AGAP6: variants seen among roughly 807,000 people sequenced by gnomAD.
AGAP6 encodes ArfGAP with GTPase domain, ankyrin repeat and PH domain 6.
In AGAP6, 29 loss-of-function variants were observed where a neutral mutation model predicts 63.9. The observed-to-expected ratio is 0.45, with a 90% CI of 0.34 to 0.62. The LOEUF (loss-of-function observed/expected upper bound fraction) is 0.62, where lower values mean the gene tolerates loss of function less well. AGAP6 is among the 20% of genes least tolerant of loss of function. The pLI, the probability that AGAP6 is intolerant of heterozygous loss-of-function variation, is 0.01. For missense variants in AGAP6, 493 were observed against 884.9 expected (o/e 0.56, Z 5.62); for synonymous variants, 199 against 332.9 (o/e 0.60, Z 4.38).
chr10:49,990,121 T>C (rs1841210726), intron 2 of AGAP6, among the ~76,000 whole-genome samples: 1 of 152,144 alleles, frequency 6.6e-6, no homozygotes, highest in Non-Finnish European at 1.5e-5. Context: ...CTCCTGACAA[T>C]AGCATCTTGT....
chr10:50,009,462 TGCAGTCATGCGAGA>T lies in AGAP6; in HGVS notation c.1343_1356del (p.Ser448Ter), dbSNP rs574318431. Reference sequence around the variant, plus strand: ...ATCCAGAGCCAGATCCTGGCCAGCCTGCAGTCATGCGAGAGCAGTAAAAGCAAGTCCCAGCTGAC... The same window carrying T: ...ATCCAGAGCCAGATCCTGGCCAGCCTGCAGTAAAAGCAAGTCCCAGCTGAC... On this transcript the variant is annotated frameshift_variant, in exon 8 of 8. Transcript: ENST00000412531. LOFTEE classifies it high-confidence loss of function. The T allele has an allele frequency of 3.1e-4, 506 of 1,613,410 alleles. No individual in the cohort carries two copies. In the East Asian group the frequency reaches 0.01, roughly 33 times the overall value.
At chr10:50,004,134 G>T (rs368629686) in intron 5 of AGAP6, among the ~76,000 whole-genome samples, 1 of 150,648 alleles carries the variant, frequency 6.6e-6, no homozygotes, top group Admixed American at 6.6e-5. Flanking sequence ...GTGGTGAGCC[G>T]AGATCACACC....
At position 50,008,973 on chromosome 10, in the gene AGAP6, C is replaced by G. The variant is rs1842014474; in HGVS notation, c.848C>G (p.Pro283Arg). 1 of 1,613,822 alleles carries G rather than the reference C, an allele frequency of 6.2e-7. No individual in the cohort carries two copies. Among genetic ancestry groups the G allele is most frequent in the Non-Finnish European group, 8.5e-7 (1 of 1,179,894 alleles). Residue 283 changes from proline (P) to arginine (R), a missense_variant, in exon 8 of 8, where the codon CCC becomes CGC. Physicochemically the swap from Pro to Arg is moderately radical, Grantham distance 103 (BLOSUM62 -2). Transcript: ENST00000412531. ...ACCATCGGGAGCGGTAGAGCCATCC[C>G]CATTAAACAGGGCATGCTCTTAAAG... ...ADTIGSGRAI[P>R]IKQGMLLKRS...
Position 49,988,752 on chromosome 10 carries a change from G to T in AGAP6, c.37G>T (p.Val13Phe), listed in dbSNP as rs782327008. The change falls in exon 1 of 8, where the codon GTC becomes TTC. Residue 13 changes from valine to phenylalanine, a missense_variant. Val to Phe is a conservative substitution (Grantham distance 50). Transcript: ENST00000412531. ...ACTGACCTGTCGTGTGCACCCTAGC[G>T]TCAGCCTCGAGTTTGACCAGCAGCA... ...NILTCRVHPS[V>F]SLEFDQQQGS... 6 of 1,590,956 alleles carry T rather than the reference G, an allele frequency of 3.8e-6. No individual in the cohort carries two copies. Among genetic ancestry groups the T allele is most frequent in the African/African-American group, 1.3e-5 (1 of 74,412 alleles).
rs1450126680 is a variant in AGAP6, at chr10:49,989,086, G to T, written c.223+148G>T. On this transcript the variant is annotated intron_variant, in intron 1 of 7. Coordinates refer to ENST00000412531, the MANE Select transcript of AGAP6 (RefSeq NM_001077665.3). ...CTGGCCAGGAACAAAAGCTGGCTCT[G>T]CCTTGAATTCCCACCCCTTAGTCTT... is the stretch of plus-strand genomic sequence containing the variant. 1.6e-5 allele frequency: 24 copies of T among 1,512,280 alleles called. No individual in the cohort carries two copies. In the African/African-American group the frequency reaches 2.9e-4, roughly 18 times the overall value. 93.7% of individuals were successfully genotyped at this position (1,512,280 alleles called of 1,614,324 possible).
rs539392542 is a variant in AGAP6, at chr10:49,998,931, C to G, written c.397-3065C>G. On this transcript the variant is annotated intron_variant, in intron 4 of 7. Coordinates refer to ENST00000412531, the MANE Select transcript of AGAP6 (RefSeq NM_001077665.3). ...CCCAACGGCATATCAAAAAATAATC[C>G]GGCCAGGCACGGTGGCTCACACCTG... 7.1e-5 allele frequency among the ~76,000 whole-genome samples: 10 copies of G among 140,334 alleles called. 2 individuals carry two copies. Among genetic ancestry groups the G allele is most frequent in the Admixed American group, 4.8e-4 (6 of 12,580 alleles). The allele number at this position is 140,334 out of a possible 152,430, so 92.1% of individuals were successfully genotyped here.
intron 6 of AGAP6, among the ~76,000 whole-genome samples, chr10:50,006,817 A>G (rs1554863977): frequency 3.9e-5 from 6 of 152,200 alleles, no homozygotes; most frequent in Non-Finnish European, 8.8e-5. Context: ...TATTAGAGAC[A>G]TGTCAAGATT....
At chr10:50,003,482 A>T (rs1342202485) in intron 5 of AGAP6, among the ~76,000 whole-genome samples, 10 of 152,088 alleles carry the variant, frequency 6.6e-5, no homozygotes, top group African/African-American at 2.4e-4. Flanking sequence ...ATCGGGATGG[A>T]TGTGAGGCAT....
At chr10:49,992,771 T>G (rs537190477) in intron 3 of AGAP6, among the ~76,000 whole-genome samples, 19 of 152,104 alleles carry the variant, frequency 1.2e-4, no homozygotes, top group African/African-American at 3.4e-4. Context: ...ACTTTTTTTT[T>G]TTTGTTTTGA....
At chr10:49,996,851 C>T (rs1297941329) in intron 4 of AGAP6, among the ~76,000 whole-genome samples, 1 of 151,664 alleles carries the variant, frequency 6.6e-6, no homozygotes, top group Non-Finnish European at 1.5e-5. Flanking sequence ...GTGTTCCAGT[C>T]ACTTTCTGTA....
rs1554864940 is a variant in AGAP6, at chr10:50,009,350, A to C, written c.1225A>C (p.Asn409His). The C allele has an allele frequency of 1.2e-6, 2 of 1,614,068 alleles. No homozygotes were observed. The highest frequency in any genetic ancestry group is 3.3e-5 in the Admixed American group (2 of 60,004). ...KKKHLKKKST[N>H]NFMIVSATGQ... is the part of the protein sequence containing the mutation. ...GAAACACCTAAAGAAGAAAAGCACC[A>C]ACAACTTTATGATTGTGTCTGCCAC... Residue 409 changes from asparagine (N) to histidine (H), a missense_variant, in exon 8 of 8, where the codon AAC (asparagine) becomes CAC (histidine). Physicochemically the swap from Asn to His is moderately conservative, Grantham distance 68. This residue lies in a region of AGAP6 where 342 missense variants were observed against 533.4 expected (regional missense o/e 0.64). Coordinates refer to ENST00000412531, the MANE Select transcript of AGAP6 (RefSeq NM_001077665.3).
intron 3 of AGAP6, among the ~76,000 whole-genome samples, chr10:49,992,719 C>G (rs1564706807): frequency 6.6e-6 from 1 of 151,152 alleles, no homozygotes; most frequent in Non-Finnish European, 1.5e-5. Flanking sequence ...TGGTTCCACA[C>G]GGTGAAAGAG....
chr10:50,010,181 G>A lies in AGAP6; in HGVS notation c.2056G>A (p.Val686Met), dbSNP rs1331937338. Reference sequence around the variant, plus strand: ...GCAGTACGGCTGCCCCGACGAGTGTGTGTAGTATCTGTTTTATTTGACTGC... The same window carrying A: ...GCAGTACGGCTGCCCCGACGAGTGTATGTAGTATCTGTTTTATTTGACTGC... ...LLQYGCPDEC[V>M] The change falls in exon 8 of 8, where the codon GTG becomes ATG. Residue 686 changes from valine to methionine, a missense_variant. Coordinates refer to ENST00000412531, the MANE Select transcript of AGAP6 (RefSeq NM_001077665.3). 2 of 1,602,026 alleles carry A rather than the reference G, an allele frequency of 1.2e-6. No homozygotes were observed. The highest frequency in any genetic ancestry group is 1.3e-5 in the African/African-American group (1 of 74,652).
intron 3 of AGAP6, 74 bp downstream of exon 3, chr10:49,991,818 A>T: frequency 1.3e-6 from 2 of 1,581,688 alleles, no homozygotes; most frequent in South Asian, 2.3e-5. Flanking sequence ...GAAAGTATTT[A>T]GAAAAACTCA....
chr10:50,007,279 C>T (rs1841943023), intron 6 of AGAP6, among the ~76,000 whole-genome samples: 1 of 120,218 alleles, frequency 8.3e-6, no homozygotes, highest in Non-Finnish European at 1.7e-5. Flanking sequence ...GTAATCCCTG[C>T]TACTTGGGAG....
intron 4 of AGAP6, among the ~76,000 whole-genome samples, chr10:49,994,972 A>C (rs1348207553): frequency 6.6e-6 from 1 of 151,352 alleles, no homozygotes; most frequent in African/African-American, 2.4e-5. Context: ...AAAAAAAAAA[A>C]AAAAAAAAAA....
chr10:49,990,755 C>T (rs4042981), intron 2 of AGAP6, among the ~76,000 whole-genome samples: 4 of 151,980 alleles, frequency 2.6e-5, no homozygotes, highest in South Asian at 2.1e-4. Context: ...AAACTTTGGT[C>T]GGGCTCTTAA....
Position 49,999,169 on chromosome 10 carries a change from C to T in AGAP6, c.397-2827C>T, listed in dbSNP as rs1414368929. 3.7e-4 allele frequency among the ~76,000 whole-genome samples: 50 copies of T among 135,842 alleles called. 3 individuals carry two copies. Among genetic ancestry groups the T allele is most frequent in the Non-Finnish European group, 2.2e-4 (14 of 64,986 alleles). The allele number at this position is 135,842 out of a possible 152,430, so 89.1% of individuals were successfully genotyped here. On this transcript the variant is annotated intron_variant, in intron 4 of 7. Transcript: ENST00000412531. ...AGGAGAATCGCTTGAACCTCGGAGG[C>T]AGAGGTTGCAGTGAGCCAAGATCAC... is the stretch of plus-strand genomic sequence containing the variant.
Position 49,996,060 on chromosome 10 carries a change from T to G in AGAP6, c.396+1631T>G, listed in dbSNP as rs1841474508. Among the ~76,000 whole-genome samples the G allele has an allele frequency of 1.1e-4, 16 of 152,262 alleles. 1 individual carries two copies. The South Asian group carries it at 3.3e-3, about 32-fold the overall frequency. On this transcript the variant is annotated intron_variant, in intron 4 of 7. Transcript: ENST00000412531. ...ATTTTTTTTTATTTTCTCTGTTACT[T>G]TTTTACTGATAGTCTTGTTATTCAG...
Sources: gnomAD v4.1 joint callset for allele counts (sites outside exome capture counted in the v4.1 genomes callset) on GRCh38, gnomAD v4.1.1 for gene constraint, gnomAD v4.1.1 regional missense constraint, MANE v1.5 for transcripts, NCBI Gene and HGNC (gene_info 2026-07-23, HGNC 2026-07-21) for gene names.